TRIM2: variants seen among roughly 807,000 people sequenced by gnomAD.
TRIM2 encodes the protein tripartite motif-containing protein 2.
In TRIM2, 20 loss-of-function variants were observed where a neutral mutation model predicts 75.2. The observed-to-expected ratio is 0.27, with a 90% CI of 0.19 to 0.39. The LOEUF (loss-of-function observed/expected upper bound fraction) is 0.39, where lower values mean the gene tolerates loss of function less well. Among genes scored for constraint, TRIM2 ranks in the 10% least tolerant of loss-of-function variants. TRIM2 has a pLI of 1.00. For missense variants in TRIM2, 660 were observed against 990.8 expected (o/e 0.67, Z 4.48); for synonymous variants, 373 against 388.3 (o/e 0.96, Z 0.46).
At chr4:153,264,294 C>T (rs544226346) in intron 1 of TRIM2, among the ~76,000 whole-genome samples, 10 of 152,254 alleles carry the variant, frequency 6.6e-5, no homozygotes, top group Admixed American at 2.0e-4. Context: ...GTTCTTTCTG[C>T]GTTTGCTACC....
At chr4:153,247,614 G>A (rs1749556372) in intron 1 of TRIM2, among the ~76,000 whole-genome samples, 2 of 144,536 alleles carry the variant, frequency 1.4e-5, no homozygotes, top group Non-Finnish European at 3.0e-5. Context: ...GGAGGCTGAG[G>A]TTGCTGTGAG....
In TRIM2 at chr4:153,295,691, A is replaced by G; in HGVS notation, c.1165A>G (p.Asn389Asp). The G allele has an allele frequency of 6.2e-7, 1 of 1,614,002 alleles. No individual in the cohort carries two copies. Residue 389 changes from asparagine to aspartate, a missense_variant, in exon 6 of 12, where the codon AAC (asparagine) becomes GAC (aspartate). Physicochemically the swap from Asn to Asp is conservative, Grantham distance 23. Around this residue, in one of 2 missense-constraint regions of TRIM2, gnomAD observed 620 missense variants for 891.0 expected, o/e 0.70. Transcript: ENST00000338700. This position sits in a 1 kb window ranked among gnomAD's most constrained non-coding sequence, Gnocchi z 7.2. ...DKDGELCKTG[N>D]AYLTAELSTP... ...AGACGGTGAGCTGTGCAAAACCGGC[A>G]ACGCCTACCTCACCGCCGAACTGAG...
chr4:153,314,230 C>A (rs1291951921), intron 6 of TRIM2, among the ~76,000 whole-genome samples: 1 of 144,566 alleles, frequency 6.9e-6, no homozygotes, highest in African/African-American at 2.9e-5. Flanking sequence ...ACCATCCCGG[C>A]TAAAACGGTG....
chr4:153,332,036 T>C (rs1385958555), intron 11 of TRIM2, among the ~76,000 whole-genome samples: 1 of 152,232 alleles, frequency 6.6e-6, no homozygotes, highest in Non-Finnish European at 1.5e-5. Context: ...ATAACATTTT[T>C]AGAAGATAAT....
chr4:153,220,812 AG>A (rs1162978163), intron 1 of TRIM2, among the ~76,000 whole-genome samples: 1 of 152,226 alleles, frequency 6.6e-6, no homozygotes, highest in Non-Finnish European at 1.5e-5. Context: ...ATTTGTCATT[AG>A]GGAAATGCAA....
chr4:153,338,018 A>T lies in TRIM2; in HGVS notation c.*3052A>T. 3 of 985,782 alleles carry T rather than the reference A, an allele frequency of 3.0e-6. No individual in the cohort carries two copies. Among genetic ancestry groups the T allele is most frequent in the Non-Finnish European group, 3.6e-6 (3 of 829,910 alleles). 61.1% of individuals were successfully genotyped at this position (985,782 alleles called of 1,614,324 possible). On this transcript the variant is annotated 3_prime_UTR_variant, in exon 12 of 12. Coordinates refer to ENST00000338700, the MANE Select transcript of TRIM2 (RefSeq NM_015271.5). ...TTTTTTAATGGTACTTAGTATTTTG[A>T]TCAAACTTTAGTCTCCAGAACTAAA... is the stretch of plus-strand genomic sequence containing the variant.
intron 1 of TRIM2, among the ~76,000 whole-genome samples, chr4:153,261,156 T>C (rs1373000291): frequency 6.6e-6 from 1 of 152,202 alleles, no homozygotes; most frequent in Non-Finnish European, 1.5e-5. Flanking sequence ...GCACAATGAC[T>C]CATGCCTGTA....
chr4:153,317,828 C>T (rs1036810656), intron 8 of TRIM2, among the ~76,000 whole-genome samples: 3 of 151,974 alleles, frequency 2.0e-5, no homozygotes, highest in Non-Finnish European at 2.9e-5. Context: ...GGTGTGGTTG[C>T]ACAGGCCTGT....
At chr4:153,251,021 G>T (rs1469370193) in intron 1 of TRIM2, among the ~76,000 whole-genome samples, 1 of 152,140 alleles carries the variant, frequency 6.6e-6, no homozygotes, top group Non-Finnish European at 1.5e-5. Flanking sequence ...GTGAATTCTT[G>T]GGTTGGAACT....
intron 1 of TRIM2, among the ~76,000 whole-genome samples, chr4:153,239,832 C>T (rs966267518): frequency 4.3e-5 from 6 of 139,438 alleles, no homozygotes; most frequent in Middle Eastern, 3.7e-3. Flanking sequence ...AACTTTCTTT[C>T]TCTTTTTTTT....
intron 1 of TRIM2, among the ~76,000 whole-genome samples, chr4:153,233,668 G>C (rs1744243708): frequency 6.6e-6 from 1 of 152,154 alleles, no homozygotes; most frequent in South Asian, 2.1e-4. Flanking sequence ...GAGGCGTGGA[G>C]GTGGTAGGGA....
chr4:153,237,626 G>A (rs1056073713), intron 1 of TRIM2, among the ~76,000 whole-genome samples: 1 of 152,088 alleles, frequency 6.6e-6, no homozygotes, highest in African/African-American at 2.4e-5. Context: ...GTTGCAGTGA[G>A]CTGAGATTGC....
At chr4:153,250,088 G>T (rs745550011) in intron 1 of TRIM2, among the ~76,000 whole-genome samples, 25 of 151,996 alleles carry the variant, frequency 1.6e-4, no homozygotes, top group Non-Finnish European at 2.1e-4. Flanking sequence ...GTGCATGGCA[G>T]AGCCTTGTGT....
chr4:153,179,416 T>C (rs1382550524), intron 1 of TRIM2, among the ~76,000 whole-genome samples: 2 of 151,870 alleles, frequency 1.3e-5, no homozygotes, highest in African/African-American at 4.8e-5. Context: ...TGAGAAGTCC[T>C]GCAAAAAGAT....
chr4:153,162,219 A>G (rs6836608), intron 1 of TRIM2, among the ~76,000 whole-genome samples: 103,675 of 152,052 alleles, frequency 0.68, 36,445 homozygotes, highest in South Asian at 0.77. Flanking sequence ...ACCAGTGGGA[A>G]ATATATACAT....
chr4:153,221,458 G>A (rs1340490054), intron 1 of TRIM2, among the ~76,000 whole-genome samples: 1 of 148,586 alleles, frequency 6.7e-6, no homozygotes, highest in Non-Finnish European at 1.5e-5. Context: ...CCAAACAAAT[G>A]CAGCCTCCTC....
At position 153,206,186 on chromosome 4, in the gene TRIM2, G is replaced by A. The variant is rs529937812; in HGVS notation, c.30+1626G>A. 7.2e-5 allele frequency among the ~76,000 whole-genome samples: 11 copies of A among 152,336 alleles called. No homozygotes were observed. The South Asian group carries it at 2.1e-3, about 29-fold the overall frequency. On this transcript the variant is annotated intron_variant, in intron 1 of 11. Coordinates refer to ENST00000338700, the MANE Select transcript of TRIM2 (RefSeq NM_015271.5). ...AACTGCAGTGAGTGCAGACCCTGAG[G>A]TTTAAGGGCTCAGTCCTACCAGGCT...
chr4:153,217,933 A>G (rs1370229490), intron 1 of TRIM2, among the ~76,000 whole-genome samples: 1 of 152,218 alleles, frequency 6.6e-6, no homozygotes, highest in East Asian at 1.9e-4. Flanking sequence ...AATGTTCAAC[A>G]TCACCAATGA....
intron 1 of TRIM2, 47 bp downstream of exon 1, chr4:153,204,607 G>A (rs1182997127): frequency 6.4e-7 from 1 of 1,550,830 alleles, no homozygotes. Context: ...TGGGCCAGCT[G>A]GTTAATCCGG....
Sources: gnomAD v4.1 joint callset for allele counts (sites outside exome capture counted in the v4.1 genomes callset) on GRCh38, gnomAD v4.1.1 for gene constraint, gnomAD v4.1.1 regional missense constraint, Gnocchi (gnomAD v3.1) non-coding constraint, MANE v1.5 for transcripts, NCBI Gene and HGNC (gene_info 2026-07-23, HGNC 2026-07-21) for gene names.